Variants in PSME3IP1 observed in about 807,000 individuals in gnomAD.
The protein encoded by PSME3IP1 is proteasome activator subunit 3 interacting protein 1, also known as PSME3-interacting protein.
PSME3IP1 carries 13 observed loss-of-function variants against 34.1 expected under a neutral mutation model. The observed-to-expected ratio is 0.38, with a 90% CI of 0.25 to 0.61. PSME3IP1 has a LOEUF of 0.61. Ranked by LOEUF, PSME3IP1 falls within the 20% of genes least tolerant of loss-of-function variation. The pLI, the probability that PSME3IP1 is intolerant of heterozygous loss-of-function variation, is 0.60. For synonymous variants in PSME3IP1, 93 were observed against 114.3 expected, an observed-to-expected ratio of 0.81 and a Z score of 1.19; for missense variants, 237 against 301.4, an observed-to-expected ratio of 0.79 and a Z score of 1.58.
intron 6 of PSME3IP1, among the ~76,000 whole-genome samples, chr16:57,159,550 G>A (rs1290794973): frequency 1.3e-5 from 2 of 152,164 alleles, no homozygotes; most frequent in African/African-American, 4.8e-5. Context: ...CAGAGTCATA[G>A]GGGCCCAAGA....
At chr16:57,158,717 A>G (rs928568345) in intron 6 of PSME3IP1, among the ~76,000 whole-genome samples, 2 of 152,254 alleles carry the variant, frequency 1.3e-5, no homozygotes, top group African/African-American at 4.8e-5. Context: ...CCCCTGCTTA[A>G]TGATGGGAAT....
At chr16:57,170,017 A>C (rs1273447470) in intron 4 of PSME3IP1, among the ~76,000 whole-genome samples, 3 of 150,982 alleles carry the variant, frequency 2.0e-5, no homozygotes, top group African/African-American at 7.3e-5. Flanking sequence ...TTTTCCTACC[A>C]GTTCTGATGT....
At chr16:57,173,693 G>A (rs765484652) in intron 2 of PSME3IP1, 35 bp downstream of exon 2, 15 of 1,611,212 alleles carry the variant, frequency 9.3e-6, no homozygotes, top group South Asian at 7.7e-5. Flanking sequence ...TTGCTGTGTG[G>A]ATTAAAGACC....
intron 1 of PSME3IP1, among the ~76,000 whole-genome samples, chr16:57,176,403 G>C (rs752681131): frequency 1.3e-5 from 2 of 152,054 alleles, no homozygotes; most frequent in Non-Finnish European, 2.9e-5. Context: ...CTCGACATCT[G>C]AATTTACCAT....
intron 1 of PSME3IP1, among the ~76,000 whole-genome samples, chr16:57,177,582 A>C (rs2073307941): frequency 6.6e-6 from 1 of 152,214 alleles, no homozygotes; most frequent in Admixed American, 6.5e-5. Context: ...AAAAAAATTT[A>C]AAGGCAAGCG....
rs771766544 is a variant in PSME3IP1, at chr16:57,173,782, G to A, written c.73C>T (p.Arg25Cys). ...FVSEAELDERRKRRQEEWEKV... is the reference protein window; with the variant it reads ...FVSEAELDERCKRRQEEWEKV... ...TCCCATTCTTCTTGCCTCCTTTTGC[G>A]CCGTTCATCTAGTTCTGCCTCAGAC... Residue 25 changes from arginine to cysteine, a missense_variant, in exon 2 of 7, where the codon CGC becomes TGC. Arg to Cys is a radical substitution (Grantham distance 180, BLOSUM62 -3). Coordinates refer to ENST00000309137, the MANE Select transcript of PSME3IP1 (RefSeq NM_024946.4). 5 of 1,613,820 alleles carry A rather than the reference G, an allele frequency of 3.1e-6. No individual in the cohort carries two copies. The highest frequency in any genetic ancestry group is 4.2e-6 in the Non-Finnish European group (5 of 1,179,978).
chr16:57,167,506 A>G (rs1210270993), intron 4 of PSME3IP1, among the ~76,000 whole-genome samples: 5 of 152,188 alleles, frequency 3.3e-5, no homozygotes, highest in Admixed American at 2.6e-4. Flanking sequence ...TACCAAGGAC[A>G]TGGCCAATAT....
In PSME3IP1 at chr16:57,167,530, G is replaced by A. The variant is rs148013911; in HGVS notation, c.349-304C>T. On this transcript the variant is annotated intron_variant, in intron 4 of 6. Transcript: ENST00000309137. ...CATGGCCAATATCATGCTTGATGAGGAAAACAGATCTTAAGGAATATAAAG... is the reference window on the plus strand; with the variant it reads ...CATGGCCAATATCATGCTTGATGAGAAAAACAGATCTTAAGGAATATAAAG... 3.2e-4 allele frequency among the ~76,000 whole-genome samples: 49 copies of A among 152,218 alleles called. 1 individual carries two copies. In the East Asian group the frequency reaches 8.1e-3, roughly 25 times the overall value.
Position 57,172,872 on chromosome 16 carries a change from A to C in PSME3IP1, c.130T>G (p.Cys44Gly), listed in dbSNP as rs1314894479. The change falls in exon 3 of 7, where the codon TGT becomes GGT. Residue 44 changes from cysteine to glycine, a missense_variant and splice_region_variant. Transcript: ENST00000309137. ...KVRKPEDPEE[C>G]PEEVYDPRSL... ...CGAGGGTCATAAACCTCCTCTGGAC[A>C]TTCTGAAAGGAAAAGGAGAGGGGAG... 4 of 1,597,228 alleles carry C rather than the reference A, an allele frequency of 2.5e-6. No individual in the cohort carries two copies. Among genetic ancestry groups the C allele is most frequent in the Non-Finnish European group, 3.4e-6 (4 of 1,164,824 alleles).
rs2070319954 is a variant in PSME3IP1 at position 57,154,726 on chromosome 16, C to A, written c.548-219G>T. 6.6e-6 allele frequency among the ~76,000 whole-genome samples: 1 copy of A among 152,146 alleles called. No individual in the cohort carries two copies. The highest frequency in any genetic ancestry group is 2.1e-4 in the South Asian group (1 of 4,828). ...GAAAGGACTTCTGAAAGTAAAGGGGCAGAGCTGAGACTTGAATCAAGGTCT... is the reference window on the plus strand; with the variant it reads ...GAAAGGACTTCTGAAAGTAAAGGGGAAGAGCTGAGACTTGAATCAAGGTCT... On this transcript the variant is annotated intron_variant, in intron 6 of 6. Coordinates refer to ENST00000309137, the MANE Select transcript of PSME3IP1 (RefSeq NM_024946.4). This position sits in a 1 kb window ranked among gnomAD's most constrained non-coding sequence, Gnocchi z 4.0.
chr16:57,161,116 T>C (rs1438123128), intron 6 of PSME3IP1, among the ~76,000 whole-genome samples: 1 of 152,248 alleles, frequency 6.6e-6, no homozygotes, highest in East Asian at 1.9e-4. Context: ...CAACAATTCC[T>C]GTATCAAAAT....
intron 6 of PSME3IP1, among the ~76,000 whole-genome samples, chr16:57,160,279 A>G (rs1404710277): frequency 1.5e-4 from 22 of 151,544 alleles, no homozygotes; most frequent in Non-Finnish European, 8.8e-5. Context: ...CCTGGGCGAC[A>G]GAGCGAGACT....
intron 6 of PSME3IP1, among the ~76,000 whole-genome samples, chr16:57,160,150 C>T (rs1181456979): frequency 3.3e-5 from 5 of 151,972 alleles, no homozygotes; most frequent in South Asian, 2.1e-4. Flanking sequence ...ATTAGCCGGG[C>T]GCGGTGGCGG....
chr16:57,167,826 T>G (rs551033046), intron 4 of PSME3IP1, among the ~76,000 whole-genome samples: 76 of 152,338 alleles, frequency 5.0e-4, no homozygotes, highest in African/African-American at 1.8e-3. Flanking sequence ...ATTTTACACT[T>G]GATCTTAGCC....
At chr16:57,164,490 T>G (rs1038121824) in intron 5 of PSME3IP1, among the ~76,000 whole-genome samples, 1 of 152,128 alleles carries the variant, frequency 6.6e-6, no homozygotes, top group East Asian at 1.9e-4. Context: ...AAACAATGTA[T>G]AAGGAATGTA....
In PSME3IP1 at chr16:57,152,741, T is replaced by G. The variant is rs1205069155; in HGVS notation, c.*1549A>C. The G allele has an allele frequency of 6.5e-6, 1 of 152,712 alleles. No homozygotes were observed. Among genetic ancestry groups the G allele is most frequent in the African/African-American group, 2.4e-5 (1 of 41,472 alleles). The allele number at this position is 152,712 out of a possible 1,614,324, so 9.5% of individuals were successfully genotyped here. A position where few individuals can be genotyped will look rare whatever the true frequency, so the allele number is the denominator to read the frequency against. ...CCTACAAAGTTTTACCTAAATGTCT[T>G]GTTTGTCAGGATGGAGCTGATGCGC... On this transcript the variant is annotated 3_prime_UTR_variant, in exon 7 of 7. Coordinates refer to ENST00000309137, the MANE Select transcript of PSME3IP1 (RefSeq NM_024946.4).
intron 4 of PSME3IP1, among the ~76,000 whole-genome samples, chr16:57,170,434 T>C (rs1296032140): frequency 6.6e-6 from 1 of 152,168 alleles, no homozygotes; most frequent in African/African-American, 2.4e-5. Flanking sequence ...TGCAAGAAAA[T>C]ACCAACTAGT....
intron 5 of PSME3IP1, among the ~76,000 whole-genome samples, chr16:57,164,833 A>G (rs2071666869): frequency 6.6e-6 from 1 of 152,142 alleles, no homozygotes; most frequent in Non-Finnish European, 1.5e-5. Flanking sequence ...GGTGTTTGAC[A>G]CCAGCCTGGC....
chr16:57,185,150 G>T (rs1395315989), intron 1 of PSME3IP1, among the ~76,000 whole-genome samples: 2 of 152,156 alleles, frequency 1.3e-5, no homozygotes, highest in African/African-American at 4.8e-5. Context: ...CCGAGCGTGC[G>T]GGAGTCTGAG....
Sources: allele counts gnomAD v4.1 joint callset (sites outside exome capture counted in the v4.1 genomes callset), GRCh38; gene constraint gnomAD v4.1.1; non-coding constraint Gnocchi (gnomAD v3.1); transcripts MANE v1.5; gene names NCBI Gene and HGNC (gene_info 2026-07-23, HGNC 2026-07-21).